ASIC2: variants seen among roughly 807,000 people sequenced by gnomAD.
ASIC2 encodes acid sensing ion channel subunit 2, also known as acid-sensing ion channel 2.
Under a neutral mutation model 57.3 loss-of-function variants are expected in ASIC2, and 25 were observed. That is an observed-to-expected ratio of 0.44 (90% confidence interval 0.32 to 0.61). The LOEUF is 0.61. Among genes scored for constraint, ASIC2 ranks in the 20% least tolerant of loss-of-function variants. The probability of loss-of-function intolerance (pLI) is 0.06; values close to 1 mark genes in which losing one functional copy is unlikely to be tolerated. For synonymous variants in ASIC2, 319 were observed against 307.5 expected, an observed-to-expected ratio of 1.04 and a Z score of -0.39; for missense variants, 641 against 738.1, an observed-to-expected ratio of 0.87 and a Z score of 1.52.
chr17:33,124,470 A>G (rs781570340), intron 1 of ASIC2, among the ~76,000 whole-genome samples: 8 of 152,214 alleles, frequency 5.3e-5, no homozygotes, highest in Non-Finnish European at 1.0e-4. Flanking sequence ...TTTCAGCCCA[A>G]TAATTTTGGC....
At chr17:33,229,411 C>T (rs1448838684) in intron 1 of ASIC2, among the ~76,000 whole-genome samples, 4 of 152,108 alleles carry the variant, frequency 2.6e-5, no homozygotes, top group Non-Finnish European at 5.9e-5. Context: ...CAGGTAGAAT[C>T]CAGGGTGACA....
At chr17:33,094,421 A>G (rs2092169884) in intron 2 of ASIC2, among the ~76,000 whole-genome samples, 1 of 152,064 alleles carries the variant, frequency 6.6e-6, no homozygotes, top group Non-Finnish European at 1.5e-5. Flanking sequence ...TCCCTGCTAC[A>G]AGTACCAGGA....
intron 1 of ASIC2, among the ~76,000 whole-genome samples, chr17:33,192,168 G>T (rs938136729): frequency 1.3e-5 from 2 of 152,114 alleles, no homozygotes; most frequent in African/African-American, 4.8e-5. Context: ...AGATCCTGAG[G>T]TCAGGAGCTC....
intron 1 of ASIC2, among the ~76,000 whole-genome samples, chr17:34,128,869 T>C (rs1018414764): frequency 5.9e-5 from 9 of 152,158 alleles, no homozygotes; most frequent in Admixed American, 5.9e-4. Context: ...CTTTAAAAGT[T>C]GCCAGATGCC....
chr17:33,804,466 T>C (rs1912215992), intron 1 of ASIC2, among the ~76,000 whole-genome samples: 1 of 152,116 alleles, frequency 6.6e-6, no homozygotes, highest in African/African-American at 2.4e-5. Flanking sequence ...ACCCAGTATA[T>C]CGATGATGAA....
At chr17:33,947,096 T>C (rs1265686848) in intron 1 of ASIC2, among the ~76,000 whole-genome samples, 1 of 152,240 alleles carries the variant, frequency 6.6e-6, no homozygotes, top group African/African-American at 2.4e-5. Context: ...ATCTGATGTG[T>C]AGATTGTAAA....
intron 1 of ASIC2, among the ~76,000 whole-genome samples, chr17:33,619,319 G>A (rs1014347413): frequency 6.6e-6 from 1 of 152,060 alleles, no homozygotes; most frequent in Non-Finnish European, 1.5e-5. Context: ...CATATGAAGA[G>A]CTTCTTCTGT....
chr17:33,445,044 C>T (rs1161309175), intron 1 of ASIC2, among the ~76,000 whole-genome samples: 1 of 152,182 alleles, frequency 6.6e-6, no homozygotes, highest in Admixed American at 6.5e-5. Flanking sequence ...ACTAACTGGC[C>T]CTTTGCAGAA....
chr17:33,462,833 C>T (rs915153507), intron 1 of ASIC2, among the ~76,000 whole-genome samples: 5 of 152,088 alleles, frequency 3.3e-5, no homozygotes, highest in African/African-American at 1.2e-4. Context: ...TTAGTGTTTC[C>T]CTGCTAGGCC....
At chr17:33,768,009 C>A (rs2142117769) in intron 1 of ASIC2, among the ~76,000 whole-genome samples, 1 of 148,754 alleles carries the variant, frequency 6.7e-6, no homozygotes, top group South Asian at 2.1e-4. Context: ...GTTACATACA[C>A]AATTTTTTTT....
intron 1 of ASIC2, among the ~76,000 whole-genome samples, chr17:33,912,389 G>A (rs1915487285): frequency 6.6e-6 from 1 of 151,620 alleles, no homozygotes; most frequent in Non-Finnish European, 1.5e-5. Context: ...GCTACAGGCA[G>A]GAGAACTGCT....
At chr17:33,064,377 C>T (rs532673165) in intron 3 of ASIC2, among the ~76,000 whole-genome samples, 2 of 152,312 alleles carry the variant, frequency 1.3e-5, no homozygotes, top group East Asian at 3.9e-4. Context: ...TTCCTTCTAA[C>T]TGTCAGAACC....
intron 2 of ASIC2, among the ~76,000 whole-genome samples, chr17:33,108,693 G>A (rs2092244931): frequency 6.6e-6 from 1 of 152,186 alleles, no homozygotes; most frequent in Non-Finnish European, 1.5e-5. Context: ...CATTGCTCAG[G>A]GCCTTCTCAG....
intron 1 of ASIC2, among the ~76,000 whole-genome samples, chr17:33,622,474 C>T (rs1905833596): frequency 6.6e-6 from 1 of 152,080 alleles, no homozygotes; most frequent in African/African-American, 2.4e-5. Flanking sequence ...CTAAATTCTA[C>T]CTTTCAATCA....
intron 1 of ASIC2, among the ~76,000 whole-genome samples, chr17:33,727,658 A>T (rs1909607162): frequency 6.6e-6 from 1 of 152,180 alleles, no homozygotes; most frequent in South Asian, 2.1e-4. Flanking sequence ...TTCTACCATG[A>T]CTGCAAGTTT....
chr17:33,893,226 C>G (rs972394546), intron 1 of ASIC2, among the ~76,000 whole-genome samples: 3 of 152,024 alleles, frequency 2.0e-5, no homozygotes, highest in African/African-American at 7.3e-5. Flanking sequence ...GGAGCTGTTT[C>G]CAGGATTTAA....
chr17:33,860,676 T>C (rs182165526), intron 1 of ASIC2, among the ~76,000 whole-genome samples: 43 of 152,352 alleles, frequency 2.8e-4, no homozygotes, highest in Middle Eastern at 3.4e-3. Context: ...CTTCTCACTA[T>C]GCCTAGGTTT....
intron 1 of ASIC2, among the ~76,000 whole-genome samples, chr17:33,705,132 T>A (rs758681606): frequency 1.3e-5 from 2 of 152,176 alleles, no homozygotes; most frequent in African/African-American, 2.4e-5. Context: ...AGCATGAAAT[T>A]TTTCTTCCTG....
intron 1 of ASIC2, among the ~76,000 whole-genome samples, chr17:33,709,035 C>T (rs920492636): frequency 2.6e-5 from 4 of 152,324 alleles, no homozygotes; most frequent in Non-Finnish European, 4.4e-5. Context: ...TCAACAGAAC[C>T]TTTAAGCCGT....
Sources: gnomAD v4.1 joint callset for allele counts (sites outside exome capture counted in the v4.1 genomes callset) on GRCh38, gnomAD v4.1.1 for gene constraint, MANE v1.5 for transcripts, NCBI Gene and HGNC (gene_info 2026-07-23, HGNC 2026-07-21) for gene names.